Variants in LRRC37A2 observed in about 807,000 individuals in gnomAD.
LRRC37A2 encodes leucine-rich repeat-containing protein 37A2.
Under a neutral mutation model 68.8 loss-of-function variants are expected in LRRC37A2, and 9 were observed. That is an observed-to-expected ratio of 0.13 (90% confidence interval 0.08 to 0.23). The LOEUF (loss-of-function observed/expected upper bound fraction) is 0.23. LRRC37A2 is among the 10% of genes least tolerant of loss of function. The pLI is 1.00. For synonymous variants in LRRC37A2, 63 were observed against 367.6 expected (o/e 0.17, Z 9.48); for missense variants, 168 against 950.4 (o/e 0.18, Z 10.82).
chr17:46,557,972 C>T (rs1447680489), downstream of LRRC37A2, among the ~76,000 whole-genome samples: 1 of 131,042 alleles, frequency 7.6e-6, no homozygotes, highest in Middle Eastern at 3.3e-3. Flanking sequence ...GAGCGGTCTG[C>T]AGGCCATATA....
chr17:46,883,563 G>A, the LRRC37A2 span, among the ~76,000 whole-genome samples: 9 of 152,366 alleles, frequency 5.9e-5, no homozygotes, highest in African/African-American at 2.2e-4. Context: ...GGGATTACAG[G>A]CGTGAGCCAC....
chr17:46,928,045 G>C, the LRRC37A2 span, among the ~76,000 whole-genome samples: 2 of 152,172 alleles, frequency 1.3e-5, no homozygotes, highest in Non-Finnish European at 2.9e-5. Flanking sequence ...GGCTACCTCA[G>C]GCTGCATTCC....
At chr17:46,905,509 G>A in the LRRC37A2 span, among the ~76,000 whole-genome samples, 1 of 152,252 alleles carries the variant, frequency 6.6e-6, no homozygotes, top group African/African-American at 2.4e-5. Flanking sequence ...TGAGTCGTAA[G>A]TTGTTTCCTT....
intron 8 of LRRC37A2, among the ~76,000 whole-genome samples, chr17:46,545,387 G>A (rs1298521403): frequency 1.5e-5 from 2 of 132,804 alleles, no homozygotes; most frequent in Non-Finnish European, 3.1e-5. Flanking sequence ...GGGGGGTTGA[G>A]GCTGCATTGA....
chr17:47,036,659 G>C, the LRRC37A2 span, among the ~76,000 whole-genome samples: 1 of 149,864 alleles, frequency 6.7e-6, no homozygotes, highest in East Asian at 2.0e-4. Context: ...TAAATGTGAG[G>C]GTTTATTTCT....
chr17:46,805,950 G>T, the LRRC37A2 span, among the ~76,000 whole-genome samples: 25 of 152,214 alleles, frequency 1.6e-4, no homozygotes, highest in African/African-American at 5.8e-4. Context: ...GGAGCCTTCG[G>T]CAATGGAATG....
the LRRC37A2 span, among the ~76,000 whole-genome samples, chr17:46,840,182 A>G: frequency 6.6e-6 from 1 of 150,598 alleles, no homozygotes; most frequent in African/African-American, 2.5e-5. Flanking sequence ...CGCCTCCTGG[A>G]TTCATGCCAT....
the LRRC37A2 span, chr17:46,929,581 C>T: frequency 6.8e-7 from 1 of 1,471,788 alleles, no homozygotes; most frequent in Non-Finnish European, 9.5e-7. Context: ...GCAGTCTGTG[C>T]ACAGTGAGTA....
At chr17:46,490,337 G>A in the LRRC37A2 span, among the ~76,000 whole-genome samples, 1 of 151,150 alleles carries the variant, frequency 6.6e-6, no homozygotes, top group Non-Finnish European at 1.5e-5. Context: ...CCATTTTTGA[G>A]CTCTTGACAT....
chr17:46,858,455 C>T, the LRRC37A2 span, among the ~76,000 whole-genome samples: 3,730 of 151,804 alleles, frequency 0.025, 155 homozygotes, highest in African/African-American at 0.086. Context: ...TTTCTTCCTA[C>T]GTTTTCTCCT....
At chr17:46,916,444 T>G in the LRRC37A2 span, among the ~76,000 whole-genome samples, 1 of 152,178 alleles carries the variant, frequency 6.6e-6, no homozygotes, top group Non-Finnish European at 1.5e-5. Flanking sequence ...AGGAATTCAG[T>G]GATTAAGGCC....
chr17:46,610,027 T>TTCTTTCTCTC, the LRRC37A2 span, among the ~76,000 whole-genome samples: 33 of 109,526 alleles, frequency 3.0e-4, no homozygotes, highest in African/African-American at 9.9e-4. Context: ...CTTTCTTTCT[T>TTCTTTCTCTC]TCTCTCTCTC....
At chr17:46,943,653 C>G in the LRRC37A2 span, among the ~76,000 whole-genome samples, 1 of 152,062 alleles carries the variant, frequency 6.6e-6, no homozygotes, top group Admixed American at 6.5e-5. Flanking sequence ...TGCAGGAGAG[C>G]ACTTGAGCCC....
the LRRC37A2 span, among the ~76,000 whole-genome samples, chr17:46,490,816 AT>A: frequency 6.7e-6 from 1 of 150,284 alleles, no homozygotes; most frequent in Admixed American, 6.6e-5. Flanking sequence ...GAACATTAAT[AT>A]TTTGGTTCCT....
At chr17:46,998,076 T>C in the LRRC37A2 span, among the ~76,000 whole-genome samples, 4 of 152,154 alleles carry the variant, frequency 2.6e-5, no homozygotes, top group Non-Finnish European at 4.4e-5. Context: ...GTGCATCTTA[T>C]TTGGATCTTG....
chr17:46,737,067 A>G, the LRRC37A2 span, among the ~76,000 whole-genome samples: 1 of 152,328 alleles, frequency 6.6e-6, no homozygotes, highest in Middle Eastern at 3.4e-3. Context: ...CATTTCTTTA[A>G]GGAACATCTG....
At chr17:46,938,821 AAGAG>A in the LRRC37A2 span, 10 of 1,609,784 alleles carry the variant, frequency 6.2e-6, no homozygotes, top group Admixed American at 3.3e-5. Context: ...GTGTGTGTGA[AAGAG>A]AGAGGGGGGC....
the LRRC37A2 span, among the ~76,000 whole-genome samples, chr17:46,741,300 A>G: frequency 6.6e-6 from 1 of 152,206 alleles, no homozygotes; most frequent in Non-Finnish European, 1.5e-5. Context: ...TCTTTTTCAC[A>G]AATTGGAATT....
chr17:46,711,190 C>A, the LRRC37A2 span: 1 of 1,347,640 alleles, frequency 7.4e-7, no homozygotes, highest in Non-Finnish European at 9.7e-7. Flanking sequence ...AGCCCGTAAG[C>A]ACATTCTAGA....
Sources: allele counts gnomAD v4.1 joint callset (sites outside exome capture counted in the v4.1 genomes callset), GRCh38; gene constraint gnomAD v4.1.1; transcripts MANE v1.5; gene names NCBI Gene and HGNC (gene_info 2026-07-23, HGNC 2026-07-21).